The following PTPRD variants were observed in gnomAD, a reference collection of about 807,000 sequenced individuals.
PTPRD encodes the protein protein tyrosine phosphatase receptor type D, also known as receptor-type tyrosine-protein phosphatase delta.
PTPRD carries 34 observed loss-of-function variants against 214.5 expected under a neutral mutation model. That is an observed-to-expected ratio of 0.16 (90% confidence interval 0.12 to 0.21). The LOEUF (loss-of-function observed/expected upper bound fraction) is 0.21, where lower values mean the gene tolerates loss of function less well. PTPRD is among the 10% of genes least tolerant of loss of function. The pLI, the probability that PTPRD is intolerant of heterozygous loss-of-function variation, is 1.00. For synonymous variants in PTPRD, 1,128 were observed against 845.7 expected, an observed-to-expected ratio of 1.33 and a Z score of -5.79; for missense variants, 2,545 against 2,398.7, an observed-to-expected ratio of 1.06 and a Z score of -1.27.
chr9:9,567,089 T>G (rs1326770), intron 8 of PTPRD, among the ~76,000 whole-genome samples: 7,549 of 151,974 alleles, frequency 0.05, 263 homozygotes, highest in South Asian at 0.13. Context: ...AATGGGAAAA[T>G]GAAAGCGCAC....
chr9:9,695,290 A>G (rs2097352251), intron 7 of PTPRD, among the ~76,000 whole-genome samples: 1 of 152,134 alleles, frequency 6.6e-6, no homozygotes, highest in African/African-American at 2.4e-5. Flanking sequence ...CCAGTGCCCT[A>G]TCCTACTGTG....
chr9:9,830,145 A>C (rs982460526), intron 5 of PTPRD, among the ~76,000 whole-genome samples: 1 of 151,778 alleles, frequency 6.6e-6, no homozygotes, highest in Non-Finnish European at 1.5e-5. Context: ...TTTACTTAAA[A>C]CTTTAATAAT....
At chr9:10,436,526 A>G (rs1439400853) in intron 2 of PTPRD, among the ~76,000 whole-genome samples, 1 of 151,842 alleles carries the variant, frequency 6.6e-6, no homozygotes, top group Non-Finnish European at 1.5e-5. Context: ...ACATTTTGTT[A>G]TATGTATACA....
chr9:10,359,366 G>C (rs957729207), intron 2 of PTPRD, among the ~76,000 whole-genome samples: 4 of 151,752 alleles, frequency 2.6e-5, no homozygotes, highest in African/African-American at 9.7e-5. Context: ...TATTCCCCCA[G>C]TTTTACTCCC....
At chr9:9,275,189 TATATATATATTA>T (rs1175078155) in intron 9 of PTPRD, among the ~76,000 whole-genome samples, 3 of 14,414 alleles carry the variant, frequency 2.1e-4, no homozygotes, top group South Asian at 1.1e-3. Flanking sequence ...ATATGTTATA[TATATATATATTA>T]TATATATATA....
chr9:9,987,864 C>G (rs913711828), intron 4 of PTPRD, among the ~76,000 whole-genome samples: 2 of 152,046 alleles, frequency 1.3e-5, no homozygotes, highest in Non-Finnish European at 2.9e-5. Flanking sequence ...CATTTAAACT[C>G]TTTGTTTTTT....
chr9:10,492,301 T>A (rs529531439), intron 2 of PTPRD, among the ~76,000 whole-genome samples: 2 of 152,232 alleles, frequency 1.3e-5, no homozygotes, highest in East Asian at 3.9e-4. Context: ...TCTTCCACAA[T>A]GGTTGAACTA....
chr9:9,381,841 G>T (rs1431546083), intron 9 of PTPRD, among the ~76,000 whole-genome samples: 6 of 150,234 alleles, frequency 4.0e-5, no homozygotes, highest in African/African-American at 1.5e-4. Flanking sequence ...CCCCAAGATT[G>T]CTTTGGCTAT....
At chr9:10,169,796 C>T (rs977872942) in intron 3 of PTPRD, among the ~76,000 whole-genome samples, 6 of 152,042 alleles carry the variant, frequency 3.9e-5, no homozygotes, top group African/African-American at 1.2e-4. Context: ...ATCTATAATT[C>T]CCAGTTTTCA....
At chr9:10,541,629 ATTC>A (rs1262585196) in intron 2 of PTPRD, among the ~76,000 whole-genome samples, 2 of 151,946 alleles carry the variant, frequency 1.3e-5, no homozygotes, top group Non-Finnish European at 2.9e-5. Context: ...TATGTTTGTT[ATTC>A]TTTATATTTA....
At chr9:10,602,063 T>C (rs957867799) in intron 2 of PTPRD, among the ~76,000 whole-genome samples, 14 of 151,800 alleles carry the variant, frequency 9.2e-5, no homozygotes, top group African/African-American at 3.4e-4. Context: ...TTTAACTTTC[T>C]ATTTTATATA....
At chr9:9,922,333 G>A (rs1189467356) in intron 5 of PTPRD, among the ~76,000 whole-genome samples, 5 of 152,048 alleles carry the variant, frequency 3.3e-5, no homozygotes, top group Non-Finnish European at 7.4e-5. Flanking sequence ...AATTAAACCT[G>A]TTAAATGTTA....
intron 5 of PTPRD, among the ~76,000 whole-genome samples, chr9:9,833,947 C>T (rs1040158346): frequency 5.3e-5 from 8 of 151,972 alleles, no homozygotes; most frequent in East Asian, 1.9e-4. Context: ...TTGTAGTTAA[C>T]GCAATTATTA....
At chr9:10,449,519 G>C (rs1158576481) in intron 2 of PTPRD, among the ~76,000 whole-genome samples, 1 of 145,202 alleles carries the variant, frequency 6.9e-6, no homozygotes, top group Non-Finnish European at 1.5e-5. Context: ...GATGTGAGGA[G>C]CCCCTCTGCC....
intron 11 of PTPRD, among the ~76,000 whole-genome samples, chr9:8,909,192 T>A (rs1378954755): frequency 6.6e-6 from 1 of 152,006 alleles, no homozygotes; most frequent in Non-Finnish European, 1.5e-5. Flanking sequence ...GTGAATTATA[T>A]CAATTCACCA....
At chr9:9,224,954 G>C (rs534989211) in intron 9 of PTPRD, among the ~76,000 whole-genome samples, 1 of 152,064 alleles carries the variant, frequency 6.6e-6, no homozygotes, top group Non-Finnish European at 1.5e-5. Context: ...TTGATAATTT[G>C]ATTGACTTCC....
intron 2 of PTPRD, among the ~76,000 whole-genome samples, chr9:10,482,668 C>T (rs938530697): frequency 6.6e-6 from 1 of 152,064 alleles, no homozygotes; most frequent in Non-Finnish European, 1.5e-5. Flanking sequence ...TATACACCAA[C>T]AATGACCAAG....
At chr9:9,895,946 A>T (rs960838935) in intron 5 of PTPRD, among the ~76,000 whole-genome samples, 6 of 152,128 alleles carry the variant, frequency 3.9e-5, no homozygotes, top group Admixed American at 3.9e-4. Context: ...TATGGCACGT[A>T]GGTAGAAGCT....
At chr9:10,388,042 T>G (rs1204802121) in intron 2 of PTPRD, among the ~76,000 whole-genome samples, 1 of 151,602 alleles carries the variant, frequency 6.6e-6, no homozygotes, top group East Asian at 2.0e-4. Context: ...GATTCATTCC[T>G]TCAGACAACA....
Sources: allele counts gnomAD v4.1 joint callset (sites outside exome capture counted in the v4.1 genomes callset), GRCh38; gene constraint gnomAD v4.1.1; transcripts MANE v1.5; gene names NCBI Gene and HGNC (gene_info 2026-07-23, HGNC 2026-07-21).